The following ANO6 variants were observed in gnomAD, a reference collection of about 807,000 sequenced individuals.
ANO6 encodes anoctamin 6, also known as anoctamin-6.
In ANO6, 106 loss-of-function variants were observed where a neutral mutation model predicts 117.5. The ratio of observed to expected loss-of-function variants is 0.90; its 90% CI spans 0.77 to 1.06. ANO6 has a LOEUF of 1.06. ANO6 is among the 50% of genes least tolerant of loss of function. The pLI, the probability that ANO6 is intolerant of heterozygous loss-of-function variation, is 0.00. For missense variants in ANO6, 955 were observed against 1,121.1 expected (o/e 0.85, Z 2.12); for synonymous variants, 367 against 385.1 (o/e 0.95, Z 0.55).
At chr12:45,411,136 A>G (rs1592034760) in intron 16 of ANO6, among the ~76,000 whole-genome samples, 1 of 152,314 alleles carries the variant, frequency 6.6e-6, no homozygotes, top group Non-Finnish European at 1.5e-5. Flanking sequence ...GCAGAATGTC[A>G]TTTATTATTT....
At chr12:45,242,598 C>T (rs1454860458) in intron 1 of ANO6, among the ~76,000 whole-genome samples, 1 of 152,200 alleles carries the variant, frequency 6.6e-6, no homozygotes, top group African/African-American at 2.4e-5. Flanking sequence ...CAACCAGTCC[C>T]AATGAGATGA....
intron 1 of ANO6, among the ~76,000 whole-genome samples, chr12:45,219,370 C>T (rs1378171741): frequency 6.6e-6 from 1 of 152,152 alleles, no homozygotes; most frequent in Admixed American, 6.5e-5. Context: ...GACAGGGTCT[C>T]CCTCTGTCAG....
At chr12:45,265,849 C>T (rs1351923674) in intron 1 of ANO6, among the ~76,000 whole-genome samples, 2 of 152,212 alleles carry the variant, frequency 1.3e-5, no homozygotes, top group African/African-American at 2.4e-5. Flanking sequence ...TAGACCTACC[C>T]TAACATGAGC....
Position 45,421,124 on chromosome 12 carries a change from G to A in ANO6, c.2271G>A (p.Trp757Ter), listed in dbSNP as rs1377519266. 6.2e-7 allele frequency: 1 copy of A among 1,614,060 alleles called. No homozygotes were observed. The highest frequency in any genetic ancestry group is 8.5e-7 in the Non-Finnish European group (1 of 1,180,052). The part of the protein sequence containing the change: ...SDMIPRLVYY[W>*]SFSVPPYGDH... ...TGATCCCCCGCCTAGTGTACTACTG[G>A]TCCTTCTCCGTCCCTCCCTACGGGG... Residue 757 changes from tryptophan to a stop codon, truncating the protein, a stop_gained, in exon 18 of 20, where the codon TGG becomes TGA. Coordinates refer to ENST00000320560, the MANE Select transcript of ANO6 (RefSeq NM_001025356.3). LOFTEE classifies it high-confidence loss of function.
chr12:45,408,127 C>T (rs891036446), intron 15 of ANO6, among the ~76,000 whole-genome samples: 53 of 152,204 alleles, frequency 3.5e-4, no homozygotes, highest in African/African-American at 9.6e-4. Context: ...TGGGTGTGCA[C>T]GTGTGCACAT....
chr12:45,255,807 TC>T (rs1458304792), intron 1 of ANO6, among the ~76,000 whole-genome samples: 1 of 142,904 alleles, frequency 7.0e-6, no homozygotes, highest in African/African-American at 2.6e-5. Flanking sequence ...CCCCAGGTTT[TC>T]TCCCTGGGTG....
At chr12:45,266,954 G>T (rs1938238742) in intron 1 of ANO6, among the ~76,000 whole-genome samples, 1 of 152,056 alleles carries the variant, frequency 6.6e-6, no homozygotes, top group Non-Finnish European at 1.5e-5. Context: ...GATTTAGTCA[G>T]TAACTCCTGT....
At chr12:45,393,259 C>T (rs766438143) in intron 12 of ANO6, among the ~76,000 whole-genome samples, 1 of 151,932 alleles carries the variant, frequency 6.6e-6, no homozygotes, top group Non-Finnish European at 1.5e-5. Flanking sequence ...GATTGAAGAT[C>T]AAATTAATGA....
chr12:45,433,047 A>G (rs1222818221), downstream of ANO6, among the ~76,000 whole-genome samples: 1 of 152,220 alleles, frequency 6.6e-6, no homozygotes, highest in African/African-American at 2.4e-5. Flanking sequence ...AATTGGCCCA[A>G]TATGACCAGG....
At chr12:45,350,917 T>C (rs892016574) in intron 7 of ANO6, 143 bp downstream of exon 7, 54 of 693,404 alleles carry the variant, frequency 7.8e-5, no homozygotes, top group South Asian at 5.2e-4. Flanking sequence ...AGGGTTTTTA[T>C]TGAGGCTTAA....
chr12:45,272,183 T>TG (rs71437715), intron 1 of ANO6, among the ~76,000 whole-genome samples: 2 of 42,122 alleles, frequency 4.7e-5, no homozygotes, highest in Non-Finnish European at 2.1e-4. Flanking sequence ...ACCACCTTTT[T>TG]GGGTTTTTTT....
At chr12:45,393,847 A>C (rs942643902) in intron 12 of ANO6, among the ~76,000 whole-genome samples, 1 of 152,242 alleles carries the variant, frequency 6.6e-6, no homozygotes, top group Non-Finnish European at 1.5e-5. Context: ...TGAAACAAGC[A>C]CTAAACATGG....
At chr12:45,286,451 G>A (rs1250322393) in intron 1 of ANO6, among the ~76,000 whole-genome samples, 1 of 152,198 alleles carries the variant, frequency 6.6e-6, no homozygotes, top group South Asian at 2.1e-4. Flanking sequence ...CAAGATTTAA[G>A]TAGGGGGTAT....
intron 1 of ANO6, among the ~76,000 whole-genome samples, chr12:45,236,016 A>C (rs1038321181): frequency 6.6e-6 from 1 of 152,224 alleles, no homozygotes; most frequent in African/African-American, 2.4e-5. Context: ...GCTACATATG[A>C]AGGGGAGAAG....
At chr12:45,417,777 C>T (rs1943251387) in intron 17 of ANO6, among the ~76,000 whole-genome samples, 1 of 152,176 alleles carries the variant, frequency 6.6e-6, no homozygotes, top group African/African-American at 2.4e-5. Context: ...TCTTAAGCCA[C>T]ATCTTCCCTG....
At chr12:45,437,867 C>A (rs1426873747) in intron 19 of ANO6, among the ~76,000 whole-genome samples, 1 of 152,160 alleles carries the variant, frequency 6.6e-6, no homozygotes, top group Non-Finnish European at 1.5e-5. Context: ...CCACACCCGA[C>A]CTCAAAACTT....
At chr12:45,230,925 TGAC>T in intron 1 of ANO6, among the ~76,000 whole-genome samples, 1 of 152,220 alleles carries the variant, frequency 6.6e-6, no homozygotes, top group Non-Finnish European at 1.5e-5. Context: ...CTGGGCAACT[TGAC>T]GAAACCTTGT....
intron 17 of ANO6, 62 bp from the exon 18 acceptor site, chr12:45,421,009 G>A: frequency 6.4e-7 from 1 of 1,569,156 alleles, no homozygotes; most frequent in South Asian, 1.1e-5. Flanking sequence ...GCAAGAGCGA[G>A]ACTCCGTCTC....
chr12:45,284,332 T>G (rs1938838918), intron 1 of ANO6, among the ~76,000 whole-genome samples: 1 of 131,404 alleles, frequency 7.6e-6, no homozygotes, highest in Non-Finnish European at 1.7e-5. Context: ...GGCCAGAATC[T>G]TATGGCCAGA....
Sources: gnomAD v4.1 joint callset for allele counts (sites outside exome capture counted in the v4.1 genomes callset) on GRCh38, gnomAD v4.1.1 for gene constraint, MANE v1.5 for transcripts, NCBI Gene and HGNC (gene_info 2026-07-23, HGNC 2026-07-21) for gene names.